XKR4: variants seen among roughly 807,000 people sequenced by gnomAD.
XKR4 encodes the protein XK related 4, also known as XK-related protein 4.
Under a neutral mutation model 53.9 loss-of-function variants are expected in XKR4, and 12 were observed. The ratio of observed to expected loss-of-function variants is 0.22; its 90% CI spans 0.14 to 0.36. The LOEUF (loss-of-function observed/expected upper bound fraction) is 0.36. XKR4 is among the 10% of genes least tolerant of loss of function. XKR4 has a pLI of 1.00. For missense variants in XKR4, 799 were observed against 859.5 expected, an observed-to-expected ratio of 0.93 and a Z score of 0.88; for synonymous variants, 354 against 362.4, an observed-to-expected ratio of 0.98 and a Z score of 0.26.
intron 1 of XKR4, among the ~76,000 whole-genome samples, chr8:55,332,718 G>T (rs1209972044): frequency 6.6e-6 from 1 of 151,984 alleles, no homozygotes; most frequent in Non-Finnish European, 1.5e-5. Flanking sequence ...GTTTATCATA[G>T]TTGGAGTTCA....
intron 1 of XKR4, among the ~76,000 whole-genome samples, chr8:55,303,834 G>A (rs1187957534): frequency 1.3e-5 from 2 of 152,132 alleles, no homozygotes; most frequent in South Asian, 2.1e-4. Context: ...CTGTGGGATC[G>A]GTGGTGATAT....
At chr8:55,429,416 A>T (rs1174266652) in intron 2 of XKR4, among the ~76,000 whole-genome samples, 1 of 152,208 alleles carries the variant, frequency 6.6e-6, no homozygotes, top group Non-Finnish European at 1.5e-5. Context: ...AAAAAAAGAA[A>T]AGAAATATTG....
chr8:55,321,973 G>A (rs761747464), intron 1 of XKR4, among the ~76,000 whole-genome samples: 2 of 147,438 alleles, frequency 1.4e-5, no homozygotes, highest in African/African-American at 5.1e-5. Flanking sequence ...TGGTGACAGA[G>A]CGAGACTCCA....
In XKR4 at chr8:55,357,846, C is replaced by A; in HGVS notation, c.975C>A (p.Ile325=). The change falls in exon 2 of 3, where the codon ATC becomes ATA. Residue 325 remains isoleucine, a synonymous_variant. Transcript: ENST00000327381. ...AGCTGGTCCTGCAGCTCTGCATTAT[C>A]GTACAGACTCATAGCTTACAGGCCC... The part of the protein sequence containing the change: ...APQLVLQLCI[I]VQTHSLQALQ... 1 of 1,614,068 alleles carries A rather than the reference C, an allele frequency of 6.2e-7. No individual in the cohort carries two copies. Among genetic ancestry groups the A allele is most frequent in the South Asian group, 1.1e-5 (1 of 91,074 alleles).
intron 2 of XKR4, among the ~76,000 whole-genome samples, chr8:55,475,722 C>T (rs548238884): frequency 1.4e-3 from 220 of 152,016 alleles, no homozygotes; most frequent in Admixed American, 4.8e-3. Context: ...TCTACCTCAG[C>T]CTCCCAAGTA....
chr8:55,394,955 A>G, intron 2 of XKR4, among the ~76,000 whole-genome samples: 1 of 152,164 alleles, frequency 6.6e-6, no homozygotes, highest in Non-Finnish European at 1.5e-5. Flanking sequence ...AGATACTACC[A>G]AGATAGTATT....
chr8:55,539,799 G>A lies in XKR4; in HGVS notation c.*15572G>A, dbSNP rs1717394566. ...TATTTGTTTTTGCAGAAGAAAACTG[G>A]TGTTGCCTATTTGGACTAGATGTAG... On this transcript the variant is annotated 3_prime_UTR_variant, in exon 3 of 3. Coordinates refer to ENST00000327381, the MANE Select transcript of XKR4 (RefSeq NM_052898.2). The A allele has an allele frequency of 6.6e-6, 1 of 152,150 alleles. No individual in the cohort carries two copies. Among genetic ancestry groups the A allele is most frequent in the Non-Finnish European group, 1.5e-5 (1 of 68,036 alleles). The allele number at this position is 152,150 out of a possible 1,614,324, so 9.4% of individuals were successfully genotyped here. A position where few individuals can be genotyped will look rare whatever the true frequency, so the allele number is the denominator to read the frequency against.
intron 2 of XKR4, among the ~76,000 whole-genome samples, chr8:55,399,736 A>C (rs1296138133): frequency 6.6e-6 from 1 of 152,218 alleles, no homozygotes; most frequent in African/African-American, 2.4e-5. Flanking sequence ...AACAGACCGA[A>C]GGCTTTGTCT....
chr8:55,224,871 A>T (rs548293732), intron 1 of XKR4, among the ~76,000 whole-genome samples: 1 of 152,202 alleles, frequency 6.6e-6, no homozygotes, highest in Non-Finnish European at 1.5e-5. Context: ...ATTGGTTTCA[A>T]ATAATGGCAT....
At chr8:55,249,480 A>G (rs977016118) in intron 1 of XKR4, among the ~76,000 whole-genome samples, 6 of 152,266 alleles carry the variant, frequency 3.9e-5, no homozygotes, top group South Asian at 2.1e-4. Flanking sequence ...TGTCCACCCA[A>G]TGGGTTGACT....
chr8:55,476,776 A>G (rs1281692542), intron 2 of XKR4, among the ~76,000 whole-genome samples: 1 of 152,108 alleles, frequency 6.6e-6, no homozygotes, highest in Non-Finnish European at 1.5e-5. Flanking sequence ...TCCTATGCCC[A>G]TGGAGTCTGC....
At chr8:55,333,599 T>A (rs1024807527) in intron 1 of XKR4, among the ~76,000 whole-genome samples, 2 of 152,162 alleles carry the variant, frequency 1.3e-5, no homozygotes, top group African/African-American at 4.8e-5. Context: ...CTCAGGTATC[T>A]GTGGGTGTGT....
chr8:55,312,357 A>G (rs1360452786), intron 1 of XKR4, among the ~76,000 whole-genome samples: 2 of 152,212 alleles, frequency 1.3e-5, no homozygotes, highest in East Asian at 3.8e-4. Flanking sequence ...TTCAAGGTTC[A>G]TGGAATGAGA....
Position 55,528,940 on chromosome 8 carries a change from G to A in XKR4, c.*4713G>A, listed in dbSNP as rs986121120. The A allele has an allele frequency of 6.6e-6, 1 of 150,870 alleles. No individual in the cohort carries two copies. Among genetic ancestry groups the A allele is most frequent in the South Asian group, 2.1e-4 (1 of 4,708 alleles). The allele number at this position is 150,870 out of a possible 1,614,324, so 9.3% of individuals were successfully genotyped here. ...CGTGAAATGCCCTGAGCATTCGAGT[G>A]GCATCCCTTCTCCTCACATAGGCAC... On this transcript the variant is annotated 3_prime_UTR_variant, in exon 3 of 3. Coordinates refer to ENST00000327381, the MANE Select transcript of XKR4 (RefSeq NM_052898.2).
intron 1 of XKR4, among the ~76,000 whole-genome samples, chr8:55,293,009 C>T (rs748362550): frequency 6.6e-5 from 10 of 151,788 alleles, no homozygotes; most frequent in Non-Finnish European, 1.2e-4. Context: ...ATTAGTGTTG[C>T]CAACTGCCAT....
rs1807081279 is a variant in XKR4 at position 55,540,220 on chromosome 8, T to A, written c.*15993T>A. The A allele has an allele frequency of 6.6e-6, 1 of 152,242 alleles. No homozygotes were observed. The highest frequency in any genetic ancestry group is 6.5e-5 in the Admixed American group (1 of 15,284). 9.4% of individuals were successfully genotyped at this position (152,242 alleles called of 1,614,324 possible). A position where few individuals can be genotyped will look rare whatever the true frequency, so the allele number is the denominator to read the frequency against. ...CTGTAAACATCACATATGTGATGCT[T>A]TGTAAATGTATTAATTGTGGTCAAT... On this transcript the variant is annotated 3_prime_UTR_variant, in exon 3 of 3. Coordinates refer to ENST00000327381, the MANE Select transcript of XKR4 (RefSeq NM_052898.2).
At chr8:55,315,865 C>T (rs1272960826) in intron 1 of XKR4, among the ~76,000 whole-genome samples, 3 of 152,064 alleles carry the variant, frequency 2.0e-5, no homozygotes, top group East Asian at 1.9e-4. Context: ...AACCTTAACA[C>T]AGGAACATGA....
At chr8:55,379,071 T>G (rs1241420397) in intron 2 of XKR4, among the ~76,000 whole-genome samples, 1 of 152,188 alleles carries the variant, frequency 6.6e-6, no homozygotes, top group Non-Finnish European at 1.5e-5. Flanking sequence ...TGCTGTTCTT[T>G]GAGCAGAATT....
At chr8:55,271,019 T>C (rs1818683818) in intron 1 of XKR4, among the ~76,000 whole-genome samples, 1 of 152,206 alleles carries the variant, frequency 6.6e-6, no homozygotes, top group African/African-American at 2.4e-5. Flanking sequence ...TGGGCTCTGC[T>C]TGTGCTCAAG....
Sources: allele counts gnomAD v4.1 joint callset (sites outside exome capture counted in the v4.1 genomes callset), GRCh38; gene constraint gnomAD v4.1.1; transcripts MANE v1.5; gene names NCBI Gene and HGNC (gene_info 2026-07-23, HGNC 2026-07-21).